Variants in GSE1 observed in about 807,000 individuals in gnomAD.
The protein encoded by GSE1 is Gse1 coiled-coil protein.
In GSE1, 32 loss-of-function variants were observed where a neutral mutation model predicts 112.6. The ratio of observed to expected loss-of-function variants is 0.28; its 90% CI spans 0.21 to 0.38. GSE1 has a LOEUF of 0.38. GSE1 is among the 10% of genes least tolerant of loss of function. The pLI, the probability that GSE1 is intolerant of heterozygous loss-of-function variation, is 1.00. For synonymous variants in GSE1, 1,115 were observed against 735.6 expected (o/e 1.52, Z -8.35); for missense variants, 2,348 against 1,699.2 (o/e 1.38, Z -6.71).
At chr16:85,644,370 G>A (rs2050686119) in intron 2 of GSE1, among the ~76,000 whole-genome samples, 1 of 151,910 alleles carries the variant, frequency 6.6e-6, no homozygotes, top group Non-Finnish European at 1.5e-5. Context: ...AGAGTGTTGG[G>A]CACAGTACTG....
chr16:85,261,697 G>T lies in GSE1; in HGVS notation c.2283+89890G>T, dbSNP rs144246708. On this transcript the variant is annotated intron_variant, in intron 1 of 2. Coordinates refer to the GSE1 transcript ENST00000637419. ...TCGGCAGTGTCCACAGGGCCCAGCAGATGCTTTCGGACAGATCATCCCACG... is the reference window on the plus strand; with the variant it reads ...TCGGCAGTGTCCACAGGGCCCAGCATATGCTTTCGGACAGATCATCCCACG... Among the ~76,000 whole-genome samples the T allele has an allele frequency of 1.3e-3, 197 of 152,310 alleles. 1 individual carries two copies. The East Asian group carries it at 0.019, about 14-fold the overall frequency.
chr16:85,389,891 CT>C (rs2047798218), intron 2 of GSE1, among the ~76,000 whole-genome samples: 1 of 152,210 alleles, frequency 6.6e-6, no homozygotes, highest in South Asian at 2.1e-4. Context: ...TGGGCCCACG[CT>C]TAGCGGATCT....
intron 1 of GSE1, among the ~76,000 whole-genome samples, chr16:85,203,353 G>A (rs2075062493): frequency 6.6e-6 from 1 of 152,340 alleles, no homozygotes; most frequent in Middle Eastern, 3.4e-3. Flanking sequence ...TCTAAAGGTG[G>A]GGCAGGTGCG....
rs1010825474 is a variant in GSE1 at position 85,311,947 on chromosome 16, C to T, written c.2284-45516C>T. ...CCGGCCCAGCACTGCCCAGCCCCAGCCCCGCACCACTGTCCTCATGTCTGG... is the reference window on the plus strand; with the variant it reads ...CCGGCCCAGCACTGCCCAGCCCCAGTCCCGCACCACTGTCCTCATGTCTGG... On this transcript the variant is annotated intron_variant, in intron 1 of 2. Coordinates refer to the GSE1 transcript ENST00000637419. This position sits in a 1 kb window ranked among gnomAD's most constrained non-coding sequence, Gnocchi z 4.2. 6.6e-6 allele frequency among the ~76,000 whole-genome samples: 1 copy of T among 152,202 alleles called. No individual in the cohort carries two copies. Among genetic ancestry groups the T allele is most frequent in the Non-Finnish European group, 1.5e-5 (1 of 68,036 alleles).
Position 85,668,266 on chromosome 16 carries a change from C to A in GSE1, c.3257C>A (p.Pro1086His). 2 of 1,612,712 alleles carry A rather than the reference C, an allele frequency of 1.2e-6. No homozygotes were observed. The highest frequency in any genetic ancestry group is 2.2e-5 in the South Asian group (2 of 91,052). The change falls in exon 14 of 16, where the codon CCC becomes CAC. Residue 1086 changes from proline (P) to histidine (H), a missense_variant. Physicochemically the swap from Pro to His is moderately conservative, Grantham distance 77. Coordinates refer to ENST00000253458, the MANE Select transcript of GSE1 (RefSeq NM_014615.5). ...PPQHNGQQEP[P>H]TARKGPPTQE... is the part of the protein sequence containing the mutation. ...CAGCACAATGGGCAGCAGGAGCCCC[C>A]CACTGCAAGGAAGGGCCCCCCAACC...
chr16:85,475,114 G>A (rs1212922288), intron 2 of GSE1, among the ~76,000 whole-genome samples: 1 of 152,108 alleles, frequency 6.6e-6, no homozygotes, highest in Non-Finnish European at 1.5e-5. Flanking sequence ...CTGCTCTGAC[G>A]GGCAGTCCCT....
intron 11 of GSE1, chr16:85,664,607 G>T: frequency 6.1e-6 from 1 of 163,096 alleles, no homozygotes; most frequent in South Asian, 1.7e-4. Flanking sequence ...TCAGGAAGTG[G>T]CAGTAATGGT....
intron 2 of GSE1, among the ~76,000 whole-genome samples, chr16:85,508,253 G>C (rs1343119665): frequency 4.6e-5 from 7 of 152,214 alleles, no homozygotes; most frequent in African/African-American, 1.4e-4. Context: ...AGGCTGGTCT[G>C]CAACTCCTGA....
chr16:85,512,122 T>C (rs1480911022), intron 2 of GSE1, among the ~76,000 whole-genome samples: 1 of 152,172 alleles, frequency 6.6e-6, no homozygotes, highest in Non-Finnish European at 1.5e-5. Context: ...GGAGCACTGT[T>C]CTGCGAGTCC....
At chr16:85,571,672 A>G (rs2045986514) in intron 1 of GSE1, among the ~76,000 whole-genome samples, 1 of 152,154 alleles carries the variant, frequency 6.6e-6, no homozygotes, top group African/African-American at 2.4e-5. Flanking sequence ...TGACCTTTTG[A>G]CATTAAACAC....
intron 2 of GSE1, among the ~76,000 whole-genome samples, chr16:85,466,539 G>A (rs2050126403): frequency 2.0e-5 from 3 of 152,216 alleles, no homozygotes; most frequent in Admixed American, 2.0e-4. Context: ...ATGGCATTTG[G>A]GTGCCTTATA....
chr16:85,505,901 A>C (rs2051519867), intron 2 of GSE1, among the ~76,000 whole-genome samples: 1 of 151,652 alleles, frequency 6.6e-6, no homozygotes, highest in African/African-American at 2.4e-5. Context: ...TGAGCCCAGG[A>C]GGTCAAGGCT....
At chr16:85,224,665 C>G (rs1013772872) in intron 1 of GSE1, among the ~76,000 whole-genome samples, 9 of 152,118 alleles carry the variant, frequency 5.9e-5, no homozygotes, top group African/African-American at 2.2e-4. Flanking sequence ...CTTCTGATGG[C>G]AGGGGAGGGG....
At chr16:85,634,217 C>T in intron 2 of GSE1, 85 bp downstream of exon 2, 2 of 929,142 alleles carry the variant, frequency 2.2e-6, no homozygotes, top group East Asian at 3.2e-5. Context: ...CGTGCACGCT[C>T]ACAGCAGGTC....
At chr16:85,198,429 G>A (rs1304244824) in intron 1 of GSE1, among the ~76,000 whole-genome samples, 1 of 152,166 alleles carries the variant, frequency 6.6e-6, no homozygotes, top group Non-Finnish European at 1.5e-5. Context: ...GCCTAGCTGT[G>A]GTCAACACAG....
At chr16:85,452,925 C>G (rs903104115) in intron 2 of GSE1, among the ~76,000 whole-genome samples, 24 of 152,200 alleles carry the variant, frequency 1.6e-4, no homozygotes, top group Admixed American at 5.9e-4. Flanking sequence ...GCCTCCAACC[C>G]CACCCTGTGG....
At chr16:85,409,308 CCCCCCGG>C (rs1567746532) in intron 2 of GSE1, among the ~76,000 whole-genome samples, 1 of 43,444 alleles carries the variant, frequency 2.3e-5, no homozygotes, top group African/African-American at 1.2e-4. Context: ...ACACTCAGGG[CCCCCCGG>C]ATAATCCTCA....
intron 5 of GSE1, among the ~76,000 whole-genome samples, chr16:85,655,431 C>CCCAGCCTGCTCG (rs1247280647): frequency 1.3e-5 from 2 of 152,210 alleles, no homozygotes; most frequent in Admixed American, 6.5e-5. Context: ...GTCAGGGCAG[C>CCCAGCCTGCTCG]CCAGCCTGCT....
At chr16:85,519,727 A>T (rs1026654557) in intron 2 of GSE1, among the ~76,000 whole-genome samples, 3 of 74,688 alleles carry the variant, frequency 4.0e-5, no homozygotes, top group Non-Finnish European at 8.2e-5. Flanking sequence ...CATCATCACC[A>T]TCACCATCAC....
Sources: gnomAD v4.1 joint callset for allele counts (sites outside exome capture counted in the v4.1 genomes callset) on GRCh38, gnomAD v4.1.1 for gene constraint, Gnocchi (gnomAD v3.1) non-coding constraint, MANE v1.5 for transcripts, NCBI Gene and HGNC (gene_info 2026-07-23, HGNC 2026-07-21) for gene names.